LAMA1: variants seen among roughly 807,000 people sequenced by gnomAD.
LAMA1 encodes the protein laminin subunit alpha 1.
A neutral mutation model predicts 348.7 loss-of-function variants in LAMA1; 219 were observed. That is an observed-to-expected ratio of 0.63 (90% CI 0.56 to 0.70). The LOEUF is 0.70. Among genes scored for constraint, LAMA1 ranks in the 30% least tolerant of loss-of-function variants. The probability of loss-of-function intolerance (pLI) is 0.00; values close to 1 mark genes in which losing one functional copy is unlikely to be tolerated. For synonymous variants in LAMA1, 1,487 were observed against 1,491.0 expected (o/e 1.00, Z 0.06); for missense variants, 3,744 against 3,888.0 (o/e 0.96, Z 0.99).
intron 3 of LAMA1, among the ~76,000 whole-genome samples, chr18:7,052,121 C>A (rs189629081): frequency 1.3e-5 from 2 of 152,100 alleles, no homozygotes; most frequent in African/African-American, 4.8e-5. Context: ...CAAAAAGACA[C>A]GAAGAAACCT....
At chr18:7,086,052 T>C (rs2058215964) in intron 1 of LAMA1, among the ~76,000 whole-genome samples, 1 of 152,192 alleles carries the variant, frequency 6.6e-6, no homozygotes, top group Non-Finnish European at 1.5e-5. Context: ...TTTACACATA[T>C]GCGTCAGAAA....
chr18:7,080,146 G>C (rs1268368395), intron 2 of LAMA1, 59 bp from the exon 3 acceptor site: 18 of 1,566,094 alleles, frequency 1.1e-5, no homozygotes, highest in Non-Finnish European at 1.3e-5. Context: ...AATTTCTTAA[G>C]TTCTAAACCG....
intron 8 of LAMA1, 29 bp from the exon 9 acceptor site, chr18:7,042,279 C>A: frequency 7.4e-7 from 1 of 1,352,710 alleles, no homozygotes; most frequent in South Asian, 1.2e-5. Flanking sequence ...CCTGGATTCT[C>A]TTACTAGAAA....
intron 36 of LAMA1, among the ~76,000 whole-genome samples, chr18:6,991,712 T>C (rs909327647): frequency 6.6e-6 from 1 of 152,140 alleles, no homozygotes; most frequent in Non-Finnish European, 1.5e-5. Context: ...TCTTAATATC[T>C]ACCCTGAAAA....
At position 6,978,297 on chromosome 18, in the gene LAMA1, G is replaced by A. The variant is rs761631965; in HGVS notation, c.6089C>T (p.Ala2030Val). 2.1e-5 allele frequency: 34 copies of A among 1,614,086 alleles called. No individual in the cohort carries two copies. Among genetic ancestry groups the A allele is most frequent in the Admixed American group, 3.3e-5 (2 of 60,008 alleles). ...QSAVSTLRDV[A>V]GLSQELLNTS... ...GTTCAGCAGCTCCTGGCTCAGCCCCGCCACGTCCCTCAGCGTGCTCACCGC... is the reference window on the plus strand; with the variant it reads ...GTTCAGCAGCTCCTGGCTCAGCCCCACCACGTCCCTCAGCGTGCTCACCGC... The change falls in exon 43 of 63, where the codon GCG becomes GTG. Residue 2030 changes from alanine to valine, a missense_variant. Physicochemically the swap from Ala to Val is moderately conservative, Grantham distance 64. Around this residue, in one of 3 missense-constraint regions of LAMA1, gnomAD observed 1,983 missense variants for 1,934.3 expected, o/e 1.03. Coordinates refer to ENST00000389658, the MANE Select transcript of LAMA1 (RefSeq NM_005559.4).
intron 7 of LAMA1, among the ~76,000 whole-genome samples, chr18:7,043,999 C>T (rs2058031631): frequency 6.6e-6 from 1 of 151,448 alleles, no homozygotes; most frequent in Admixed American, 6.6e-5. Context: ...ACTAAAAATA[C>T]AAAAAAATTA....
chr18:6,959,105 TG>T (rs1042239889), intron 54 of LAMA1, among the ~76,000 whole-genome samples: 1 of 152,228 alleles, frequency 6.6e-6, no homozygotes, highest in African/African-American at 2.4e-5. Flanking sequence ...CAATTTATGC[TG>T]GGCCCCAGTA....
At chr18:7,071,306 T>C (rs2058145035) in intron 3 of LAMA1, among the ~76,000 whole-genome samples, 1 of 152,208 alleles carries the variant, frequency 6.6e-6, no homozygotes, top group Non-Finnish European at 1.5e-5. Flanking sequence ...ATTCCAGAAC[T>C]GCTGGGAAAA....
intron 1 of LAMA1, among the ~76,000 whole-genome samples, chr18:7,110,061 A>G (rs2143834857): frequency 6.6e-6 from 1 of 152,042 alleles, no homozygotes; most frequent in East Asian, 1.9e-4. Context: ...CGCACCTGTG[A>G]TCCCAGCTAC....
intron 4 of LAMA1, among the ~76,000 whole-genome samples, chr18:7,049,789 C>T (rs1410334651): frequency 2.0e-5 from 3 of 152,170 alleles, no homozygotes; most frequent in African/African-American, 7.2e-5. Flanking sequence ...ATCTATTTCA[C>T]TGTCTCAGAT....
chr18:6,954,942 A>C, intron 57 of LAMA1: 1 of 320,982 alleles, frequency 3.1e-6, no homozygotes, highest in South Asian at 2.8e-5. Flanking sequence ...AGGTGCAGAG[A>C]GGGGTGGGTG....
intron 36 of LAMA1, among the ~76,000 whole-genome samples, chr18:6,986,771 A>T (rs12968770): frequency 0.18 from 27,266 of 152,024 alleles, 3,044 homozygotes; most frequent in Non-Finnish European, 0.26. Flanking sequence ...TTTACTTCTT[A>T]TTTTTTGAGA....
intron 18 of LAMA1, among the ~76,000 whole-genome samples, chr18:7,023,741 A>G (rs9966057): frequency 0.011 from 1,649 of 152,306 alleles, 23 homozygotes; most frequent in African/African-American, 0.038. Context: ...GACGGCTACT[A>G]AAGCAAACCA....
chr18:7,053,963 G>T (rs1448642693), intron 3 of LAMA1, among the ~76,000 whole-genome samples: 2 of 151,842 alleles, frequency 1.3e-5, no homozygotes, highest in East Asian at 3.9e-4. Flanking sequence ...GTGTGACAGG[G>T]TCTCACTATG....
chr18:7,110,890 C>T (rs1181302404), intron 1 of LAMA1, among the ~76,000 whole-genome samples: 4 of 11,880 alleles, frequency 3.4e-4, no homozygotes, highest in African/African-American at 2.8e-3. Context: ...TTTTTCCCTC[C>T]CCCCCCCCAC....
At position 7,049,253 on chromosome 18, in the gene LAMA1, T is replaced by C; in HGVS notation, c.593A>G (p.His198Arg). The C allele has an allele frequency of 1.9e-6, 3 of 1,613,788 alleles. No individual in the cohort carries two copies. The highest frequency in any genetic ancestry group is 2.5e-6 in the Non-Finnish European group (3 of 1,179,672). Residue 198 changes from histidine (H) to arginine (R), a missense_variant, in exon 5 of 63, where the codon CAT becomes CGT. By Grantham distance (29) the His-to-Arg change is conservative. Coordinates refer to ENST00000389658, the MANE Select transcript of LAMA1 (RefSeq NM_005559.4). ...RLVPLEHGEI[H>R]TSLINGRPSA... ...TGGTCTGCCATTGATGAGTGATGTA[T>C]GAATCTGAAGATGAAGGCATCAAAA...
chr18:7,008,666 CAT>C, intron 27 of LAMA1, 58 bp from the exon 28 acceptor site: 1 of 1,597,432 alleles, frequency 6.3e-7, no homozygotes, highest in Non-Finnish European at 8.6e-7. Flanking sequence ...TTTCTAGAAA[CAT>C]AGCACATGAC....
chr18:6,981,147 G>T (rs959140176), intron 41 of LAMA1, among the ~76,000 whole-genome samples: 1 of 151,502 alleles, frequency 6.6e-6, no homozygotes, highest in Non-Finnish European at 1.5e-5. Context: ...TAGCTTGCTC[G>T]ATCATTTTCT....
rs523711 is a variant in LAMA1 at position 6,985,508 on chromosome 18, G to A, written c.5496+19C>T. ...ATTCTTTAAAAACTGTACTGTGGCT[G>A]TGCTGAGATGTAATTTACCTCTAGA... is the stretch of plus-strand genomic sequence containing the variant. On this transcript the variant is annotated intron_variant, in intron 38 of 62. Transcript: ENST00000389658. 741,010 of 1,608,722 alleles carry A rather than the reference G, an allele frequency of 0.46. 176,191 individuals carry two copies. The highest frequency in any genetic ancestry group is 0.72 in the East Asian group (32,210 of 44,840).
Sources: gnomAD v4.1 joint callset for allele counts (sites outside exome capture counted in the v4.1 genomes callset) on GRCh38, gnomAD v4.1.1 for gene constraint, gnomAD v4.1.1 regional missense constraint, MANE v1.5 for transcripts, NCBI Gene and HGNC (gene_info 2026-07-23, HGNC 2026-07-21) for gene names.